HTRA1: variants seen among roughly 807,000 people sequenced by gnomAD.
HTRA1 encodes HtrA serine peptidase 1.
HTRA1 carries 26 observed loss-of-function variants against 49.7 expected under a neutral mutation model. The observed-to-expected ratio is 0.52, with a 90% CI of 0.38 to 0.73. The LOEUF (loss-of-function observed/expected upper bound fraction) is 0.73, where lower values mean the gene tolerates loss of function less well. Among genes scored for constraint, HTRA1 ranks in the 30% least tolerant of loss-of-function variants. HTRA1 has a pLI of 0.00. For missense variants in HTRA1, 561 were observed against 667.2 expected, an observed-to-expected ratio of 0.84 and a Z score of 1.75; for synonymous variants, 291 against 286.9, an observed-to-expected ratio of 1.01 and a Z score of -0.14.
At chr10:122,482,248 A>G (rs1364543740) in intron 1 of HTRA1, among the ~76,000 whole-genome samples, 1 of 152,156 alleles carries the variant, frequency 6.6e-6, no homozygotes, top group East Asian at 1.9e-4. Flanking sequence ...TTGGAGTCAG[A>G]TTGGACACCA....
At chr10:122,462,171 C>A in intron 1 of HTRA1, 47 bp downstream of exon 1, 1 of 1,426,862 alleles carries the variant, frequency 7.0e-7, no homozygotes, top group Non-Finnish European at 9.5e-7. Flanking sequence ...TCCATCCCAG[C>A]TCGGACCTGC....
At chr10:122,503,366 G>A (rs911987480) in intron 3 of HTRA1, among the ~76,000 whole-genome samples, 2 of 152,220 alleles carry the variant, frequency 1.3e-5, no homozygotes, top group African/African-American at 2.4e-5. Flanking sequence ...TGAGGCTCAC[G>A]GCTGAGAACA....
chr10:122,480,908 T>C (rs2097490704), intron 1 of HTRA1, among the ~76,000 whole-genome samples: 2 of 151,908 alleles, frequency 1.3e-5, no homozygotes, highest in South Asian at 4.2e-4. Flanking sequence ...CTTCAGAAAA[T>C]AGACAAATAC....
At chr10:122,486,006 A>T (rs1482451236) in intron 1 of HTRA1, among the ~76,000 whole-genome samples, 1 of 152,074 alleles carries the variant, frequency 6.6e-6, no homozygotes, top group African/African-American at 2.4e-5. Context: ...CCATTCCCTT[A>T]TTTACACCTC....
In HTRA1 at chr10:122,509,228, C is replaced by T. The variant is rs116855151; in HGVS notation, c.1120+458C>T. ...CCTGGGGCTCAACAGGGGCCTTTGC[C>T]GGTGTGACTTTTATGTTCTGTTGGG... On this transcript the variant is annotated intron_variant, in intron 6 of 8. Coordinates refer to ENST00000368984, the MANE Select transcript of HTRA1 (RefSeq NM_002775.5). 6.1e-3 allele frequency among the ~76,000 whole-genome samples: 922 copies of T among 152,250 alleles called. 4 individuals carry two copies. Among genetic ancestry groups the T allele is most frequent in the Non-Finnish European group, 9.5e-3 (645 of 68,016 alleles).
intron 1 of HTRA1, among the ~76,000 whole-genome samples, chr10:122,471,405 T>C (rs1163131260): frequency 6.6e-6 from 1 of 152,236 alleles, no homozygotes; most frequent in African/African-American, 2.4e-5. Flanking sequence ...ATTCTCATCA[T>C]TGGCCAAACA....
At position 122,514,325 on chromosome 10, in the gene HTRA1, T is replaced by C. The variant is rs755737650; in HGVS notation, c.1409T>C (p.Met470Thr). ...GTCCGCAGGGGTAATGAAGATATCA[T>C]GATCACAGTGATTCCCGAAGAAATT... ...MVVRRGNEDI[M>T]ITVIPEEIDP is the part of the protein sequence containing the mutation. The change falls in exon 9 of 9, where the codon ATG becomes ACG. Residue 470 changes from methionine to threonine, a missense_variant. By Grantham distance (81) the Met-to-Thr change is moderately conservative. Around this residue, in one of 3 missense-constraint regions of HTRA1, gnomAD observed 179 missense variants for 173.4 expected, o/e 1.03. Transcript: ENST00000368984. 5.6e-6 allele frequency: 9 copies of C among 1,614,068 alleles called. No homozygotes were observed. The Admixed American group carries it at 1.0e-4, about 18-fold the overall frequency.
rs1471168609 is a variant in HTRA1 at position 122,490,291 on chromosome 10, G to C, written c.777+665G>C. ...CAAATTATAATCATTTGAGTATACA[G>C]CTTTTTGTGGGGGCAGGCAGAACTG... On this transcript the variant is annotated intron_variant, in intron 3 of 8. Coordinates refer to ENST00000368984, the MANE Select transcript of HTRA1 (RefSeq NM_002775.5). This position sits in a 1 kb window ranked among gnomAD's most constrained non-coding sequence, Gnocchi z 4.2. Among the ~76,000 whole-genome samples the C allele has an allele frequency of 6.6e-6, 1 of 152,144 alleles. No individual in the cohort carries two copies. Among genetic ancestry groups the C allele is most frequent in the Non-Finnish European group, 1.5e-5 (1 of 68,030 alleles).
chr10:122,466,181 T>G (rs1164796012), intron 1 of HTRA1, among the ~76,000 whole-genome samples: 1 of 152,208 alleles, frequency 6.6e-6, no homozygotes, highest in Non-Finnish European at 1.5e-5. Context: ...TACTTTTTTT[T>G]TTGAGACAGT....
At chr10:122,474,414 C>G (rs558678819) in intron 1 of HTRA1, among the ~76,000 whole-genome samples, 2 of 152,176 alleles carry the variant, frequency 1.3e-5, no homozygotes, top group East Asian at 3.9e-4. Context: ...TACAGGGGCT[C>G]GTTCACCATC....
intron 3 of HTRA1, among the ~76,000 whole-genome samples, chr10:122,500,529 A>G (rs915484611): frequency 6.6e-6 from 1 of 152,212 alleles, no homozygotes; most frequent in Non-Finnish European, 1.5e-5. Flanking sequence ...GACTGAGTTC[A>G]TATAGGACCA....
intron 1 of HTRA1, among the ~76,000 whole-genome samples, chr10:122,488,141 C>A (rs2097493905): frequency 6.6e-6 from 1 of 152,076 alleles, no homozygotes; most frequent in African/African-American, 2.4e-5. Context: ...TCAGATGTAC[C>A]CGTCTGGTGG....
At chr10:122,502,781 G>T (rs2097501485) in intron 3 of HTRA1, among the ~76,000 whole-genome samples, 1 of 152,214 alleles carries the variant, frequency 6.6e-6, no homozygotes, top group African/African-American at 2.4e-5. Context: ...TGAGCTACAA[G>T]ATCTTTTAGG....
At chr10:122,475,378 G>C (rs1252309890) in intron 1 of HTRA1, among the ~76,000 whole-genome samples, 1 of 152,202 alleles carries the variant, frequency 6.6e-6, no homozygotes, top group Non-Finnish European at 1.5e-5. Context: ...TCGAGGCCAG[G>C]CTCCCGGCTC....
chr10:122,461,702 C>A lies in HTRA1; in HGVS notation c.50C>A (p.Ala17Glu). Residue 17 changes from alanine (A) to glutamate (E), a missense_variant, in exon 1 of 9, where the codon GCG (alanine) becomes GAG (glutamate). Physicochemically the swap from Ala to Glu is moderately radical, Grantham distance 107. Around this residue, in one of 3 missense-constraint regions of HTRA1, gnomAD observed 111 missense variants for 83.7 expected, o/e 1.33. Transcript: ENST00000368984. ...CTCCCGCTGCTGCTGCTGCTGCTGG[C>A]GGCGCCCGCCTCGGCGCAGCTGTCC... ...ALLPLLLLLLAAPASAQLSRA... is the reference protein window; with the variant it reads ...ALLPLLLLLLEAPASAQLSRA... 1 of 1,295,994 alleles carries A rather than the reference C, an allele frequency of 7.7e-7. No individual in the cohort carries two copies. The highest frequency in any genetic ancestry group is 9.9e-7 in the Non-Finnish European group (1 of 1,006,068). The allele number at this position is 1,295,994 out of a possible 1,614,324, so 80.3% of individuals were successfully genotyped here. A position where few individuals can be genotyped will look rare whatever the true frequency, so the allele number is the denominator to read the frequency against.
At chr10:122,492,762 C>T (rs957258646) in intron 3 of HTRA1, among the ~76,000 whole-genome samples, 13 of 152,180 alleles carry the variant, frequency 8.5e-5, no homozygotes, top group African/African-American at 2.2e-4. Context: ...TGTCCATCAT[C>T]GGACAGCGTA....
In HTRA1 at chr10:122,461,825, C is replaced by G; in HGVS notation, c.173C>G (p.Ala58Gly). 9.1e-7 allele frequency: 1 copy of G among 1,101,902 alleles called. No homozygotes were observed. The highest frequency in any genetic ancestry group is 1.7e-5 in the African/African-American group (1 of 59,788). 68.3% of individuals were successfully genotyped at this position (1,101,902 alleles called of 1,614,324 possible). Residue 58 changes from alanine (A) to glycine (G), a missense_variant, in exon 1 of 9, where the codon GCC becomes GGC. Ala to Gly is a moderately conservative substitution (Grantham distance 60, BLOSUM62 0). This residue lies in a region of HTRA1 where 111 missense variants were observed against 83.7 expected (regional missense o/e 1.33). Coordinates refer to ENST00000368984, the MANE Select transcript of HTRA1 (RefSeq NM_002775.5). ...PQPEHCEGGR[A>G]RDACGCCEVC... ...CCGGAGCACTGCGAGGGCGGCCGGG[C>G]CCGGGACGCGTGCGGCTGCTGCGAG...
chr10:122,505,285 T>C (rs1424952656), intron 3 of HTRA1, among the ~76,000 whole-genome samples: 2 of 152,168 alleles, frequency 1.3e-5, no homozygotes, highest in Non-Finnish European at 2.9e-5. Flanking sequence ...ATCTGTGATC[T>C]GAGGGACCTT....
chr10:122,478,000 G>A (rs915542194), intron 1 of HTRA1, among the ~76,000 whole-genome samples: 1 of 152,160 alleles, frequency 6.6e-6, no homozygotes, highest in African/African-American at 2.4e-5. Context: ...AGCTCATCCC[G>A]GCCTCCATCC....
Sources: allele counts gnomAD v4.1 joint callset (sites outside exome capture counted in the v4.1 genomes callset), GRCh38; gene constraint gnomAD v4.1.1; regional missense constraint gnomAD v4.1.1; non-coding constraint Gnocchi (gnomAD v3.1); transcripts MANE v1.5; gene names NCBI Gene and HGNC (gene_info 2026-07-23, HGNC 2026-07-21).